The following EBF2 variants were observed in gnomAD, a reference collection of about 807,000 sequenced individuals.
EBF2 encodes transcription factor COE2.
A neutral mutation model predicts 72.8 loss-of-function variants in EBF2; 21 were observed. The ratio of observed to expected loss-of-function variants is 0.29; its 90% confidence interval spans 0.20 to 0.42. EBF2 has a LOEUF of 0.42. EBF2 is among the 10% of genes least tolerant of loss of function. The probability of loss-of-function intolerance (pLI) is 1.00; values close to 1 mark genes in which losing one functional copy is unlikely to be tolerated. For synonymous variants in EBF2, 299 were observed against 274.2 expected (o/e 1.09, Z -0.89); for missense variants, 637 against 731.2 (o/e 0.87, Z 1.49).
chr8:25,861,390 G>A lies in EBF2; in HGVS notation c.1099-16C>T, dbSNP rs1802210803. 2.5e-6 allele frequency: 4 copies of A among 1,614,012 alleles called. No individual in the cohort carries two copies. Among genetic ancestry groups the A allele is most frequent in the Non-Finnish European group, 3.4e-6 (4 of 1,179,990 alleles). On this transcript the variant is annotated splice_polypyrimidine_tract_variant and intron_variant, in intron 11 of 15. Transcript: ENST00000520164. ...ACAGCATCTCCTGGAAAATAAGCGAGGATGGGATATTGTCAAAGGCAAAAT... is the reference window on the plus strand; with the variant it reads ...ACAGCATCTCCTGGAAAATAAGCGAAGATGGGATATTGTCAAAGGCAAAAT...
At chr8:25,941,243 C>G (rs1295816617) in intron 6 of EBF2, among the ~76,000 whole-genome samples, 1 of 147,632 alleles carries the variant, frequency 6.8e-6, no homozygotes, top group Non-Finnish European at 1.5e-5. Flanking sequence ...TCTTGCTCTG[C>G]TGCCCAGGCT....
At chr8:25,994,498 G>A (rs7824983) in intron 6 of EBF2, among the ~76,000 whole-genome samples, 32,884 of 152,070 alleles carry the variant, frequency 0.22, 6,380 homozygotes, top group African/African-American at 0.5. Context: ...TATGTTCACC[G>A]CAACACTATT....
intron 6 of EBF2, among the ~76,000 whole-genome samples, chr8:26,000,115 C>T (rs965176622): frequency 1.3e-5 from 2 of 152,182 alleles, no homozygotes; most frequent in African/African-American, 2.4e-5. Context: ...TCCTAAGTTA[C>T]AGTCGAATGA....
intron 6 of EBF2, among the ~76,000 whole-genome samples, chr8:25,933,395 T>G (rs116217208): frequency 6.6e-6 from 1 of 152,300 alleles, no homozygotes; most frequent in African/African-American, 2.4e-5. Flanking sequence ...GGACCGTAGC[T>G]TCACCACACA....
chr8:25,920,587 C>T (rs1342724059), intron 6 of EBF2, among the ~76,000 whole-genome samples: 1 of 152,192 alleles, frequency 6.6e-6, no homozygotes, highest in Non-Finnish European at 1.5e-5. Context: ...TTGTGACCCA[C>T]GCAGAGTTAG....
intron 6 of EBF2, among the ~76,000 whole-genome samples, chr8:25,914,555 A>G (rs1415078013): frequency 6.6e-6 from 1 of 152,200 alleles, no homozygotes; most frequent in Non-Finnish European, 1.5e-5. Context: ...CAAGCTCCCA[A>G]TGGGCTCTTG....
At chr8:25,999,877 C>T (rs1268892441) in intron 6 of EBF2, among the ~76,000 whole-genome samples, 1 of 152,088 alleles carries the variant, frequency 6.6e-6, no homozygotes, top group Admixed American at 6.6e-5. Context: ...CCGTGTGGCT[C>T]AAAACCCATC....
intron 6 of EBF2, among the ~76,000 whole-genome samples, chr8:25,925,663 T>C (rs1362700276): frequency 2.0e-5 from 3 of 152,116 alleles, no homozygotes; most frequent in African/African-American, 2.4e-5. Context: ...GAATCACTCT[T>C]TGGGGCCTCA....
intron 6 of EBF2, among the ~76,000 whole-genome samples, chr8:26,017,982 G>C (rs561834473): frequency 3.9e-5 from 6 of 152,030 alleles, no homozygotes; most frequent in Non-Finnish European, 8.8e-5. Context: ...GGGGTGATAA[G>C]AGCCAGGTTC....
At chr8:25,999,545 G>T (rs537444938) in intron 6 of EBF2, among the ~76,000 whole-genome samples, 1 of 151,026 alleles carries the variant, frequency 6.6e-6, no homozygotes, top group Non-Finnish European at 1.5e-5. Flanking sequence ...CGCAATCTTG[G>T]TCTCTCTACA....
intron 6 of EBF2, among the ~76,000 whole-genome samples, chr8:25,996,363 A>G (rs190114317): frequency 1.1e-4 from 16 of 152,238 alleles, no homozygotes; most frequent in Admixed American, 1.0e-3. Flanking sequence ...TTTTTCCAGC[A>G]TCCCAAAAGG....
At chr8:25,954,906 G>A (rs1164386970) in intron 6 of EBF2, among the ~76,000 whole-genome samples, 2 of 152,232 alleles carry the variant, frequency 1.3e-5, no homozygotes, top group South Asian at 4.1e-4. Flanking sequence ...GAAGGTAGGA[G>A]CTGTGCCTAA....
At chr8:25,909,803 T>G (rs2117314862) in intron 6 of EBF2, among the ~76,000 whole-genome samples, 1 of 152,354 alleles carries the variant, frequency 6.6e-6, no homozygotes, top group South Asian at 2.1e-4. Flanking sequence ...GGGAATTGGC[T>G]TTTCAGAGTA....
chr8:25,972,243 G>A (rs887816175), intron 6 of EBF2, among the ~76,000 whole-genome samples: 1 of 152,102 alleles, frequency 6.6e-6, no homozygotes, highest in Admixed American at 6.5e-5. Context: ...CCCCTCCTTC[G>A]TAGACCCCGA....
chr8:25,954,465 G>A (rs1803912367), intron 6 of EBF2, among the ~76,000 whole-genome samples: 1 of 152,202 alleles, frequency 6.6e-6, no homozygotes, highest in Non-Finnish European at 1.5e-5. Context: ...CAGGTCCAAA[G>A]AGAAAGACCC....
chr8:25,870,540 G>A (rs1802418424), intron 10 of EBF2, among the ~76,000 whole-genome samples: 1 of 152,124 alleles, frequency 6.6e-6, no homozygotes, highest in Non-Finnish European at 1.5e-5. Flanking sequence ...CTGCTGCTCA[G>A]AGAGGAATTT....
chr8:25,887,965 G>A lies in EBF2; in HGVS notation c.759C>T (p.Pro253=), dbSNP rs1802719353. 1 of 1,609,324 alleles carries A rather than the reference G, an allele frequency of 6.2e-7. No homozygotes were observed. Among genetic ancestry groups the A allele is most frequent in the East Asian group, 2.2e-5 (1 of 44,844 alleles). The change falls in exon 9 of 16, where the codon CCC becomes CCT. Residue 253 remains proline, a synonymous_variant. Transcript: ENST00000520164. ...CACTCGGGCTAATGGCTTTGATGCA[G>A]GGGGTAGCTAAGAAGACAGGAAAGA... ...ARRLDPSEAT[P]CIKAISPSEG... is the part of the protein sequence containing the mutation.
At chr8:25,858,633 T>G (rs1398644432) in intron 13 of EBF2, 129 bp from the exon 14 acceptor site, 1 of 587,880 alleles carries the variant, frequency 1.7e-6, no homozygotes, top group Non-Finnish European at 2.8e-6. Flanking sequence ...TTGTAGGAAG[T>G]GTGCAGTCCA....
intron 6 of EBF2, among the ~76,000 whole-genome samples, chr8:25,932,485 G>C (rs137994785): frequency 1.3e-5 from 2 of 151,866 alleles, no homozygotes; most frequent in Non-Finnish European, 2.9e-5. Flanking sequence ...TTTCATCCTC[G>C]TTGTGTGTTT....
Sources: allele counts gnomAD v4.1 joint callset (sites outside exome capture counted in the v4.1 genomes callset), GRCh38; gene constraint gnomAD v4.1.1; transcripts MANE v1.5; gene names NCBI Gene and HGNC (gene_info 2026-07-23, HGNC 2026-07-21).